HSF2BP: variants seen among roughly 807,000 people sequenced by gnomAD.
HSF2BP encodes the protein heat shock transcription factor 2 binding protein.
HSF2BP carries 35 observed loss-of-function variants against 35.0 expected under a neutral mutation model. The observed-to-expected ratio is 1.00, with a 90% CI of 0.76 to 1.32. HSF2BP has a LOEUF of 1.32. HSF2BP is among the 40% of genes most tolerant of loss of function. The probability of loss-of-function intolerance (pLI) is 0.00; values close to 1 mark genes in which losing one functional copy is unlikely to be tolerated. For missense variants in HSF2BP, 326 were observed against 321.7 expected, an observed-to-expected ratio of 1.01 and a Z score of -0.10; for synonymous variants, 114 against 117.4, an observed-to-expected ratio of 0.97 and a Z score of 0.18.
intron 8 of HSF2BP, among the ~76,000 whole-genome samples, chr21:43,574,548 A>G (rs913061108): frequency 1.0e-3 from 159 of 152,140 alleles, no homozygotes; most frequent in South Asian, 2.9e-3. Context: ...TAGTAGAGAC[A>G]GGGTTTCACC....
chr21:43,599,793 CA>C (rs926622917), intron 7 of HSF2BP, among the ~76,000 whole-genome samples: 44 of 95,790 alleles, frequency 4.6e-4, no homozygotes, highest in South Asian at 9.8e-4. Flanking sequence ...GACTCGGTCT[CA>C]AAAAAAAAAG....
At chr21:43,583,073 T>C (rs1246692577) in intron 8 of HSF2BP, among the ~76,000 whole-genome samples, 1 of 15,982 alleles carries the variant, frequency 6.3e-5, no homozygotes, top group Non-Finnish European at 9.8e-5. Flanking sequence ...GAGGACCTGC[T>C]GAGGGAGATG....
intron 5 of HSF2BP, among the ~76,000 whole-genome samples, chr21:43,631,374 G>A (rs570742229): frequency 4.6e-5 from 7 of 151,970 alleles, no homozygotes; most frequent in African/African-American, 9.7e-5. Flanking sequence ...CACTCTGCCC[G>A]GCCATCGCAT....
At position 43,575,560 on chromosome 21, in the gene HSF2BP, C is replaced by T. The variant is rs140014132; in HGVS notation, c.796+16665G>A. On this transcript the variant is annotated intron_variant, in intron 8 of 8. Coordinates refer to ENST00000291560, the MANE Select transcript of HSF2BP (RefSeq NM_007031.2). The stretch of plus-strand genomic sequence containing the variant: ...CAATTCACCACTTACAAACTACTTT[C>T]ACACATATTACTGCATTTTTACTTT... Among the ~76,000 whole-genome samples, 186 of 152,332 alleles carry T rather than the reference C, an allele frequency of 1.2e-3. 1 individual carries two copies. Among genetic ancestry groups the T allele is most frequent in the African/African-American group, 4.3e-3 (178 of 41,580 alleles).
rs571261164 is a variant in HSF2BP, at chr21:43,597,598, G to T, written c.693-5270C>A. Among the ~76,000 whole-genome samples, 5 of 152,104 alleles carry T rather than the reference G, an allele frequency of 3.3e-5. No homozygotes were observed. Among genetic ancestry groups the T allele is most frequent in the African/African-American group, 1.2e-4 (5 of 41,408 alleles). On this transcript the variant is annotated intron_variant, in intron 7 of 8. Transcript: ENST00000291560. The surrounding 1 kb of genome is among the most constrained non-coding windows in gnomAD (Gnocchi z 4.3). Reference sequence around the variant, plus strand: ...TGCAGTGGCACAGTCATTATTCACTGCCACCTAGAATTCCTGGGCTCAAGC... The same window carrying T: ...TGCAGTGGCACAGTCATTATTCACTTCCACCTAGAATTCCTGGGCTCAAGC...
intron 8 of HSF2BP, among the ~76,000 whole-genome samples, chr21:43,590,224 A>G (rs1407854394): frequency 6.6e-6 from 1 of 152,252 alleles, no homozygotes; most frequent in Non-Finnish European, 1.5e-5. Context: ...AACAGATATC[A>G]TCAAAGAAGT....
At chr21:43,618,892 T>C (rs2082300850) in intron 6 of HSF2BP, among the ~76,000 whole-genome samples, 1 of 148,760 alleles carries the variant, frequency 6.7e-6, no homozygotes, top group Admixed American at 6.8e-5. Context: ...TTGCAGTGAG[T>C]GGAGATCGCA....
chr21:43,658,263 G>C lies in HSF2BP; in HGVS notation c.-167C>G, dbSNP rs151126466. 7.7e-4 allele frequency: 580 copies of C among 757,380 alleles called. 6 individuals carry two copies. The Middle Eastern group carries it at 0.034, about 44-fold the overall frequency. The allele number at this position is 757,380 out of a possible 1,614,324, so 46.9% of individuals were successfully genotyped here. ...TTCTCGGCCTAGAGAGCGAGGAGTGGCCTTGGCGAGGTCCCTCTTTGGCTC... is the reference window on the plus strand; with the variant it reads ...TTCTCGGCCTAGAGAGCGAGGAGTGCCCTTGGCGAGGTCCCTCTTTGGCTC... On this transcript the variant is annotated 5_prime_UTR_variant, in exon 2 of 9. Coordinates refer to ENST00000291560, the MANE Select transcript of HSF2BP (RefSeq NM_007031.2).
chr21:43,582,458 G>C (rs1473025237), intron 8 of HSF2BP, among the ~76,000 whole-genome samples: 1 of 144,648 alleles, frequency 6.9e-6, no homozygotes, highest in Non-Finnish European at 1.5e-5. Flanking sequence ...AGGGAGATGA[G>C]GGCCGGCTGA....
At chr21:43,605,017 ACAC>A (rs1157607690) in intron 7 of HSF2BP, among the ~76,000 whole-genome samples, 10 of 137,916 alleles carry the variant, frequency 7.3e-5, no homozygotes, top group African/African-American at 2.5e-4. Flanking sequence ...GACACCACAC[ACAC>A]ATCACACACA....
intron 8 of HSF2BP, among the ~76,000 whole-genome samples, chr21:43,576,771 T>C (rs1368622397): frequency 6.6e-6 from 1 of 152,268 alleles, no homozygotes; most frequent in Admixed American, 6.5e-5. Flanking sequence ...AAACTTTCAC[T>C]GAACATTATT....
intron 3 of HSF2BP, among the ~76,000 whole-genome samples, chr21:43,653,714 C>T (rs1385543472): frequency 1.3e-5 from 2 of 152,084 alleles, no homozygotes. Flanking sequence ...ATTGAACTGC[C>T]ACAAACTACT....
chr21:43,458,234 T>C, the HSF2BP span, among the ~76,000 whole-genome samples: 1 of 31,538 alleles, frequency 3.2e-5, no homozygotes, highest in Non-Finnish European at 5.7e-5. Context: ...TGTTCTATCC[T>C]TTCCAAAAGT....
At chr21:43,633,625 T>C (rs969358700) in intron 4 of HSF2BP, among the ~76,000 whole-genome samples, 5 of 152,334 alleles carry the variant, frequency 3.3e-5, no homozygotes, top group African/African-American at 9.6e-5. Flanking sequence ...GAGAAATATC[T>C]GAGGAAAGAA....
intron 8 of HSF2BP, among the ~76,000 whole-genome samples, chr21:43,585,132 C>A (rs2081832017): frequency 6.6e-6 from 1 of 151,878 alleles, no homozygotes; most frequent in Non-Finnish European, 1.5e-5. Context: ...CATAGTGAAA[C>A]CTCATCTCTA....
chr21:43,652,043 C>T (rs1457972247), intron 3 of HSF2BP, among the ~76,000 whole-genome samples: 3 of 152,158 alleles, frequency 2.0e-5, no homozygotes, highest in East Asian at 1.9e-4. Flanking sequence ...CTAAAAGAAA[C>T]TTCTCAAATC....
intron 6 of HSF2BP, among the ~76,000 whole-genome samples, chr21:43,627,237 A>G (rs2082401558): frequency 6.6e-6 from 1 of 152,206 alleles, no homozygotes; most frequent in Non-Finnish European, 1.5e-5. Context: ...ACGGAATTTT[A>G]TCATAACTCT....
intron 6 of HSF2BP, among the ~76,000 whole-genome samples, chr21:43,622,751 T>C (rs763819727): frequency 3.3e-5 from 5 of 152,106 alleles, no homozygotes; most frequent in African/African-American, 1.2e-4. Flanking sequence ...CTCTCAGTAA[T>C]GGCCGGATGG....
At position 43,630,925 on chromosome 21, in the gene HSF2BP, T is replaced by C. The variant is rs545874109; in HGVS notation, c.442-471A>G. Among the ~76,000 whole-genome samples the C allele has an allele frequency of 2.6e-5, 4 of 152,330 alleles. No homozygotes were observed. In the East Asian group the frequency reaches 7.7e-4, roughly 29 times the overall value. Reference sequence around the variant, plus strand: ...AAAAAGCATTTCCAAGTTTGAACCTTTGAGTTACTTCCTTTGGGGTGCTAG... The same window carrying C: ...AAAAAGCATTTCCAAGTTTGAACCTCTGAGTTACTTCCTTTGGGGTGCTAG... On this transcript the variant is annotated intron_variant, in intron 5 of 8. Transcript: ENST00000291560.
Sources: gnomAD v4.1 joint callset for allele counts (sites outside exome capture counted in the v4.1 genomes callset) on GRCh38, gnomAD v4.1.1 for gene constraint, Gnocchi (gnomAD v3.1) non-coding constraint, MANE v1.5 for transcripts, NCBI Gene and HGNC (gene_info 2026-07-23, HGNC 2026-07-21) for gene names.